Variants in NCOR2 observed in about 807,000 individuals in gnomAD.
The protein encoded by NCOR2 is nuclear receptor corepressor 2.
NCOR2 carries 81 observed loss-of-function variants against 262.9 expected under a neutral mutation model. The observed-to-expected ratio is 0.31, with a 90% CI of 0.26 to 0.37. The LOEUF (loss-of-function observed/expected upper bound fraction) is 0.37. Ranked by LOEUF, NCOR2 falls within the 10% of genes least tolerant of loss-of-function variation. The pLI is 1.00. For missense variants in NCOR2, 3,385 were observed against 3,621.4 expected, an observed-to-expected ratio of 0.93 and a Z score of 1.68; for synonymous variants, 1,659 against 1,559.3, an observed-to-expected ratio of 1.06 and a Z score of -1.51.
At position 124,441,560 on chromosome 12, in the gene NCOR2, C is replaced by T. The variant is rs568141624; in HGVS notation, c.816-3564G>A. Among the ~76,000 whole-genome samples, 24 of 152,316 alleles carry T rather than the reference C, an allele frequency of 1.6e-4. No individual in the cohort carries two copies. The South Asian group carries it at 3.9e-3, about 25-fold the overall frequency. On this transcript the variant is annotated intron_variant, in intron 7 of 46. Transcript: ENST00000405201. ...TAACCCAACCACCGCTGGCAAGATCCGGGGATGAATGCTAAATTGGTTGGC... is the reference window on the plus strand; with the variant it reads ...TAACCCAACCACCGCTGGCAAGATCTGGGGATGAATGCTAAATTGGTTGGC...
At chr12:124,407,166 G>A (rs950141206) in intron 13 of NCOR2, among the ~76,000 whole-genome samples, 1 of 152,206 alleles carries the variant, frequency 6.6e-6, no homozygotes, top group Admixed American at 6.5e-5. Flanking sequence ...CCTTCCGCCA[G>A]CATAACCTGA....
At chr12:124,506,648 G>T (rs568712311) in intron 1 of NCOR2, among the ~76,000 whole-genome samples, 12 of 152,030 alleles carry the variant, frequency 7.9e-5, no homozygotes, top group African/African-American at 2.2e-4. Flanking sequence ...TGGTTCTGCC[G>T]CCTCTTCCTC....
rs2047574406 is a variant in NCOR2, at chr12:124,482,943, C to A, written c.411+653G>T. ...CTAGGGGTCCAGGCCATGTCCTAACCAAGCACCGCCCCTTTAGTGCTGAGC... is the reference window on the plus strand; with the variant it reads ...CTAGGGGTCCAGGCCATGTCCTAACAAAGCACCGCCCCTTTAGTGCTGAGC... On this transcript the variant is annotated intron_variant, in intron 3 of 46. Transcript: ENST00000405201. The surrounding 1 kb of genome is among the most constrained non-coding windows in gnomAD (Gnocchi z 6.3). Among the ~76,000 whole-genome samples, 1 of 152,158 alleles carries A rather than the reference C, an allele frequency of 6.6e-6. No homozygotes were observed.
rs370515229 is a variant in NCOR2 at position 124,407,829 on chromosome 12, A to G, written c.1483-5268T>C. 5.3e-5 allele frequency among the ~76,000 whole-genome samples: 8 copies of G among 152,356 alleles called. No individual in the cohort carries two copies. In the East Asian group the frequency reaches 9.6e-4, roughly 18 times the overall value. On this transcript the variant is annotated intron_variant, in intron 13 of 46. Coordinates refer to ENST00000405201, the Ensembl canonical transcript of NCOR2. ...GGTGCCCCTGAGAGGGCGCATCCTC[A>G]TGACACCTTCCACCTCCTGGCAGTG... is the stretch of plus-strand genomic sequence containing the variant.
In NCOR2 at chr12:124,365,591, C is replaced by T. The variant is rs367840158; in HGVS notation, c.2808-1792G>A. 1.9e-3 allele frequency among the ~76,000 whole-genome samples: 283 copies of T among 152,322 alleles called. 1 individual carries two copies. The highest frequency in any genetic ancestry group is 6.3e-3 in the African/African-American group (262 of 41,566). ...TGCATCTGCCACACGCTCAGCTGAG[C>T]GGGGAGAGCAGACACAGACTCGGTG... On this transcript the variant is annotated intron_variant, in intron 20 of 46. Coordinates refer to ENST00000405201, the Ensembl canonical transcript of NCOR2.
intron 5 of NCOR2, among the ~76,000 whole-genome samples, chr12:124,461,776 T>A (rs1264097031): frequency 6.6e-6 from 1 of 152,250 alleles, no homozygotes; most frequent in Non-Finnish European, 1.5e-5. Context: ...GGTGCACAGA[T>A]GCACGAATAC....
chr12:124,478,137 A>C (rs1481509909), intron 3 of NCOR2, among the ~76,000 whole-genome samples: 1 of 152,170 alleles, frequency 6.6e-6, no homozygotes, highest in African/African-American at 2.4e-5. Context: ...ACCTGGAGGA[A>C]GGCCTGGAGT....
chr12:124,368,297 T>C (rs11835564), intron 20 of NCOR2, among the ~76,000 whole-genome samples: 34,027 of 152,040 alleles, frequency 0.22, 4,496 homozygotes, highest in African/African-American at 0.35. Context: ...AGAGGGGGAA[T>C]AAGGGCCTGG....
At chr12:124,463,619 C>G (rs774113992) in intron 5 of NCOR2, among the ~76,000 whole-genome samples, 2 of 152,246 alleles carry the variant, frequency 1.3e-5, no homozygotes, top group African/African-American at 4.8e-5. Flanking sequence ...AGGGAAGCTG[C>G]GTTTTCCGGC....
intron 8 of NCOR2, among the ~76,000 whole-genome samples, chr12:124,431,191 TGCACACACAG>T (rs1417383844): frequency 3.1e-5 from 4 of 128,668 alleles, no homozygotes; most frequent in East Asian, 2.2e-4. Context: ...CACACAGACA[TGCACACACAG>T]GCACACACAC....
chr12:124,362,170 G>A, exon 22 of NCOR2: 2 of 1,308,310 alleles, frequency 1.5e-6, no homozygotes, highest in Non-Finnish European at 1.9e-6. Context: ...CTTGCCCCGG[G>A]GGCTGCTGCC....
At chr12:124,452,648 G>A (rs2045617849) in intron 6 of NCOR2, among the ~76,000 whole-genome samples, 1 of 152,274 alleles carries the variant, frequency 6.6e-6, no homozygotes, top group Non-Finnish European at 1.5e-5. Context: ...AGCCCTGGGA[G>A]GGCGAGGTGG....
intron 5 of NCOR2, among the ~76,000 whole-genome samples, chr12:124,458,854 C>A (rs1038131953): frequency 6.6e-5 from 10 of 152,180 alleles, no homozygotes; most frequent in Admixed American, 6.5e-4. Flanking sequence ...CCCAGCCACA[C>A]CCTCGAAGCA....
chr12:124,494,594 A>G (rs571301483), intron 1 of NCOR2, among the ~76,000 whole-genome samples: 273 of 152,264 alleles, frequency 1.8e-3, no homozygotes, highest in African/African-American at 6.3e-3. Flanking sequence ...CCCTGGCCAC[A>G]GGGCGGGCTC....
intron 16 of NCOR2, among the ~76,000 whole-genome samples, chr12:124,392,000 C>T (rs1038598286): frequency 6.6e-6 from 1 of 152,230 alleles, no homozygotes; most frequent in Non-Finnish European, 1.5e-5. Flanking sequence ...TCCCTCTGGC[C>T]TTGGTCTTCT....
chr12:124,485,463 C>T (rs1357796309), intron 2 of NCOR2, among the ~76,000 whole-genome samples: 2 of 152,262 alleles, frequency 1.3e-5, no homozygotes, highest in Admixed American at 1.3e-4. Flanking sequence ...GAAAAGCATC[C>T]TCCCCTTGAG....
chr12:124,385,161 C>T (rs981789900), intron 17 of NCOR2, among the ~76,000 whole-genome samples: 18 of 152,304 alleles, frequency 1.2e-4, no homozygotes, highest in South Asian at 2.1e-4. Context: ...GCCATTTACA[C>T]GCTGGCGAGG....
chr12:124,478,604 C>T (rs2047231708), intron 3 of NCOR2, among the ~76,000 whole-genome samples: 1 of 152,102 alleles, frequency 6.6e-6, no homozygotes, highest in Admixed American at 6.5e-5. Context: ...CTTGCTCAGA[C>T]TTTCCAAATC....
rs533771249 is a variant in NCOR2 at position 124,416,403 on chromosome 12, C to T, written c.1482+3554G>A. 9.5e-4 allele frequency among the ~76,000 whole-genome samples: 144 copies of T among 152,322 alleles called. 4 individuals carry two copies. The South Asian group carries it at 0.029, about 31-fold the overall frequency. On this transcript the variant is annotated intron_variant, in intron 13 of 46. Coordinates refer to ENST00000405201, the Ensembl canonical transcript of NCOR2. ...CTGTCTCTCATGCTCCCTGCCTTTG[C>T]ACTTGAGGGCCCCATCCCTGTCCGC... is the stretch of plus-strand genomic sequence containing the variant.
Sources: allele counts gnomAD v4.1 joint callset (sites outside exome capture counted in the v4.1 genomes callset), GRCh38; gene constraint gnomAD v4.1.1; non-coding constraint Gnocchi (gnomAD v3.1); transcripts MANE v1.5; gene names NCBI Gene and HGNC (gene_info 2026-07-23, HGNC 2026-07-21).